ZNF106: variants seen among roughly 807,000 people sequenced by gnomAD.
ZNF106 encodes zinc finger protein 106, also known as SH3-domain binding protein 3.
In ZNF106, 67 loss-of-function variants were observed where a neutral mutation model predicts 195.1. That is an observed-to-expected ratio of 0.34 (90% CI 0.28 to 0.42). The LOEUF is 0.42. Ranked by LOEUF, ZNF106 falls within the 10% of genes least tolerant of loss-of-function variation. The pLI is 1.00. For missense variants in ZNF106, 2,118 were observed against 2,304.5 expected (o/e 0.92, Z 1.66); for synonymous variants, 784 against 818.6 (o/e 0.96, Z 0.72).
At chr15:42,418,357 CTT>C (rs540271844) in intron 20 of ZNF106, among the ~76,000 whole-genome samples, 16 of 122,832 alleles carry the variant, frequency 1.3e-4, no homozygotes, top group Non-Finnish European at 2.2e-4. Flanking sequence ...ATCGAAAGGG[CTT>C]TTTTTTTTTT....
chr15:42,439,502 G>A lies in ZNF106; in HGVS notation c.4075C>T (p.Gln1359Ter). 1 of 1,614,186 alleles carries A rather than the reference G, an allele frequency of 6.2e-7. No individual in the cohort carries two copies. Among genetic ancestry groups the A allele is most frequent in the Non-Finnish European group, 8.5e-7 (1 of 1,180,044 alleles). Residue 1359 changes from glutamine to a stop codon, truncating the protein, a stop_gained, in exon 11 of 22, where the codon CAG (glutamine) becomes TAG (stop). Coordinates refer to ENST00000564754, the MANE Select transcript of ZNF106 (RefSeq NM_001366845.3). LOFTEE classifies it high-confidence loss of function. Reference protein sequence around the residue: ...PHSPADQPEQQAESTLTSAET... With the variant: ...PHSPADQPEQ ...GCTGATGTCAAAGTGGATTCTGCCTGTTGTTCAGGCTGGTCAGCTGGAGAG... is the reference window on the plus strand; with the variant it reads ...GCTGATGTCAAAGTGGATTCTGCCTATTGTTCAGGCTGGTCAGCTGGAGAG...
chr15:42,441,008 T>A (rs1156610728), intron 10 of ZNF106, among the ~76,000 whole-genome samples: 13 of 22,768 alleles, frequency 5.7e-4, no homozygotes, highest in Non-Finnish European at 8.5e-4. Flanking sequence ...AATATATATA[T>A]ATATATATAT....
intron 10 of ZNF106, among the ~76,000 whole-genome samples, chr15:42,440,197 C>A (rs1053524269): frequency 6.6e-6 from 1 of 152,080 alleles, no homozygotes; most frequent in Non-Finnish European, 1.5e-5. Context: ...TTATCCACAC[C>A]CATCCAATTT....
chr15:42,436,814 T>C (rs778789922), intron 13 of ZNF106, among the ~76,000 whole-genome samples: 2 of 152,230 alleles, frequency 1.3e-5, no homozygotes, highest in African/African-American at 2.4e-5. Flanking sequence ...GTAGCTGCTA[T>C]GCAAGTGACC....
chr15:42,432,791 G>A (rs745464703), intron 14 of ZNF106, among the ~76,000 whole-genome samples: 58 of 152,056 alleles, frequency 3.8e-4, no homozygotes, highest in African/African-American at 1.3e-3. Flanking sequence ...AGGCTGAGGC[G>A]GAAGGATCAC....
intron 1 of ZNF106, among the ~76,000 whole-genome samples, chr15:42,487,613 T>C (rs2057046261): frequency 6.6e-6 from 1 of 152,050 alleles, no homozygotes; most frequent in South Asian, 2.1e-4. Context: ...TCCAGAGATA[T>C]TTTTCAATTT....
chr15:42,438,788 A>G, intron 11 of ZNF106, 121 bp from the exon 12 acceptor site: 2 of 953,314 alleles, frequency 2.1e-6, no homozygotes, highest in Non-Finnish European at 3.1e-6. Context: ...GATATAAGAG[A>G]TTAGATTTTC....
At position 42,437,105 on chromosome 15, in the gene ZNF106, TAA is replaced by T. The variant is rs2055306560; in HGVS notation, c.4746+125_4746+126del. 3.0e-6 allele frequency: 3 copies of T among 985,278 alleles called. No individual in the cohort carries two copies. The East Asian group carries it at 8.0e-5, about 26-fold the overall frequency. 61.0% of individuals were successfully genotyped at this position (985,278 alleles called of 1,614,324 possible). A position where few individuals can be genotyped will look rare whatever the true frequency, so the allele number is the denominator to read the frequency against. ...GCTGAGCTTCTGGATTAAATGCATCTAAAGTCAATCTCAGGCCCACCCCTTCC... is the reference window on the plus strand; with the variant it reads ...GCTGAGCTTCTGGATTAAATGCATCTAGTCAATCTCAGGCCCACCCCTTCC... On this transcript the variant is annotated intron_variant, in intron 13 of 21. Transcript: ENST00000564754.
chr15:42,479,687 T>C (rs926170982), intron 1 of ZNF106, among the ~76,000 whole-genome samples: 3 of 151,324 alleles, frequency 2.0e-5, no homozygotes, highest in South Asian at 4.2e-4. Context: ...ACTAATAATA[T>C]AAAAATTAGC....
At chr15:42,430,040 G>T (rs2054997028) in intron 14 of ZNF106, among the ~76,000 whole-genome samples, 1 of 152,036 alleles carries the variant, frequency 6.6e-6, no homozygotes, top group African/African-American at 2.4e-5. Flanking sequence ...TTTGATCTTT[G>T]TGGTAGTTAT....
In ZNF106 at chr15:42,421,997, G is replaced by GAAAA; in HGVS notation, c.5374-13_5374-10dup. ...TGTAATCGATCATGAGACTTAGGCA[G>GAAAA]AAAAAAAAAAAGAGAATTGAAGTTA... On this transcript the variant is annotated splice_polypyrimidine_tract_variant and intron_variant, in intron 18 of 21. Transcript: ENST00000564754. The GAAAA allele has an allele frequency of 1.6e-6, 2 of 1,258,416 alleles. No individual in the cohort carries two copies. Among genetic ancestry groups the GAAAA allele is most frequent in the Non-Finnish European group, 2.1e-6 (2 of 933,056 alleles). 78.0% of individuals were successfully genotyped at this position (1,258,416 alleles called of 1,614,324 possible). A position where few individuals can be genotyped will look rare whatever the true frequency, so the allele number is the denominator to read the frequency against.
rs2141358455 is a variant in ZNF106 at position 42,450,831 on chromosome 15, G to C, written c.1441C>G (p.Pro481Ala). The C allele has an allele frequency of 6.2e-7, 1 of 1,614,174 alleles. No homozygotes were observed. Among genetic ancestry groups the C allele is most frequent in the Middle Eastern group, 1.6e-4 (1 of 6,062 alleles). The change falls in exon 5 of 22, where the codon CCA (proline) becomes GCA (alanine). Residue 481 changes from proline to alanine, a missense_variant. By Grantham distance (27) the Pro-to-Ala change is conservative. Transcript: ENST00000564754. ...TTTTGAGACAATGATTTAGTGGCTG[G>C]ACATGGAAGGAGTGGGGATTTCAAT... ...PSLKSPLLPCPATKSLSQKQD... is the reference protein window; with the variant it reads ...PSLKSPLLPCAATKSLSQKQD...
Position 42,449,781 on chromosome 15 carries a change from C to T in ZNF106, c.2491G>A (p.Gly831Ser), listed in dbSNP as rs2055915854. ...VTKKKQELGK[G>S]LPRFGIEMVP... is the part of the protein sequence containing the mutation. Reference sequence around the variant, plus strand: ...AAAAGCAGCACACACCTGGGTAAGCCTTTGCCCAGCTCTTGCTTTTTCTTG... The same window carrying T: ...AAAAGCAGCACACACCTGGGTAAGCTTTTGCCCAGCTCTTGCTTTTTCTTG... Residue 831 changes from glycine (G) to serine (S), a missense_variant, in exon 5 of 22, where the codon GGC becomes AGC. Gly to Ser is a moderately conservative substitution (Grantham distance 56). Transcript: ENST00000564754. 1 of 1,613,246 alleles carries T rather than the reference C, an allele frequency of 6.2e-7. No homozygotes were observed. Among genetic ancestry groups the T allele is most frequent in the Admixed American group, 1.7e-5 (1 of 59,936 alleles).
intron 14 of ZNF106, 28 bp downstream of exon 14, chr15:42,435,356 C>T (rs1476622278): frequency 6.2e-7 from 1 of 1,613,692 alleles, no homozygotes; most frequent in African/African-American, 1.3e-5. Flanking sequence ...CAATATGAAC[C>T]ACTTTGGATT....
intron 14 of ZNF106, among the ~76,000 whole-genome samples, chr15:42,429,671 A>T (rs1049738695): frequency 6.6e-6 from 1 of 152,014 alleles, no homozygotes; most frequent in Non-Finnish European, 1.5e-5. Context: ...CATAAGTGCC[A>T]TATATGAAAT....
intron 3 of ZNF106, among the ~76,000 whole-genome samples, chr15:42,462,092 C>G (rs777849322): frequency 1.3e-4 from 20 of 152,106 alleles, no homozygotes; most frequent in Non-Finnish European, 2.8e-4. Context: ...AGTTTGGGTG[C>G]GAAACCTGAC....
chr15:42,484,119 C>T (rs1419595148), intron 1 of ZNF106, among the ~76,000 whole-genome samples: 2 of 152,288 alleles, frequency 1.3e-5, no homozygotes, highest in South Asian at 2.1e-4. Flanking sequence ...CTTATTATAA[C>T]AATCCCCAGT....
At chr15:42,442,011 C>T in intron 10 of ZNF106, 62 bp downstream of exon 10, 2 of 1,329,556 alleles carry the variant, frequency 1.5e-6, no homozygotes, top group Non-Finnish European at 2.1e-6. Context: ...TTATATCACT[C>T]ATATAAAAAT....
At chr15:42,418,026 A>C in intron 20 of ZNF106, 75 bp from the exon 21 acceptor site, 2 of 1,462,638 alleles carry the variant, frequency 1.4e-6, no homozygotes, top group Non-Finnish European at 1.8e-6. Flanking sequence ...CCCCAGCTGG[A>C]TCCCATAAGC....
Sources: allele counts gnomAD v4.1 joint callset (sites outside exome capture counted in the v4.1 genomes callset), GRCh38; gene constraint gnomAD v4.1.1; transcripts MANE v1.5; gene names NCBI Gene and HGNC (gene_info 2026-07-23, HGNC 2026-07-21).